Variants in TTLL5 observed in about 807,000 individuals in gnomAD.
TTLL5 encodes the protein tubulin tyrosine ligase like 5.
Under a neutral mutation model 168.4 loss-of-function variants are expected in TTLL5, and 132 were observed. The ratio of observed to expected loss-of-function variants is 0.78; its 90% CI spans 0.68 to 0.91. TTLL5 has a LOEUF of 0.91. Among genes scored for constraint, TTLL5 ranks in the 40% least tolerant of loss-of-function variants. TTLL5 has a pLI of 0.00. For synonymous variants in TTLL5, 546 were observed against 558.6 expected, an observed-to-expected ratio of 0.98 and a Z score of 0.32; for missense variants, 1,545 against 1,581.5, an observed-to-expected ratio of 0.98 and a Z score of 0.39.
intron 6 of TTLL5, among the ~76,000 whole-genome samples, chr14:75,697,501 C>T (rs1885956633): frequency 6.6e-6 from 1 of 152,154 alleles, no homozygotes; most frequent in African/African-American, 2.4e-5. Context: ...GACAAAAGAT[C>T]TCTTTCTTTC....
chr14:75,908,587 G>A (rs934955010), intron 31 of TTLL5, among the ~76,000 whole-genome samples: 131 of 152,288 alleles, frequency 8.6e-4, no homozygotes, highest in African/African-American at 2.9e-3. Context: ...AAAAACGTCA[G>A]TTGTCCTTAT....
intron 12 of TTLL5, among the ~76,000 whole-genome samples, chr14:75,721,169 C>T (rs189079100): frequency 6.6e-6 from 1 of 152,206 alleles, no homozygotes; most frequent in Admixed American, 6.5e-5. Flanking sequence ...TCCCATTCCT[C>T]TTCCACTTTC....
At chr14:75,797,477 TTCTTG>T (rs1446698392) in intron 27 of TTLL5, among the ~76,000 whole-genome samples, 20 of 152,126 alleles carry the variant, frequency 1.3e-4, no homozygotes, top group Non-Finnish European at 2.9e-5. Flanking sequence ...GAAATGGGCA[TTCTTG>T]TCTTGTTCCA....
chr14:75,869,075 A>G (rs545948787), intron 29 of TTLL5, among the ~76,000 whole-genome samples: 1 of 140,306 alleles, frequency 7.1e-6, no homozygotes, highest in Non-Finnish European at 1.5e-5. Context: ...TAAGTTCCAG[A>G]GCATATTGAC....
intron 27 of TTLL5, chr14:75,818,492 CTTTTT>C: frequency 2.9e-6 from 1 of 342,468 alleles, no homozygotes; most frequent in Admixed American, 3.9e-5. Context: ...CTTTTCTTTT[CTTTTT>C]TTTTTTTTGA....
chr14:75,679,356 G>C (rs1181607848), intron 3 of TTLL5, among the ~76,000 whole-genome samples: 1 of 152,120 alleles, frequency 6.6e-6, no homozygotes, highest in East Asian at 1.9e-4. Flanking sequence ...CATAAGCCAA[G>C]GAATGGAAAA....
At position 75,863,805 on chromosome 14, in the gene TTLL5, T is replaced by G; in HGVS notation, c.3465T>G (p.Leu1155=). 1 of 1,580,672 alleles carries G rather than the reference T, an allele frequency of 6.3e-7. No individual in the cohort carries two copies. The highest frequency in any genetic ancestry group is 8.6e-7 in the Non-Finnish European group (1 of 1,162,616). The change falls in exon 29 of 32, where the codon CTT becomes CTG. Residue 1155 remains leucine, a synonymous_variant. Coordinates refer to ENST00000298832, the MANE Select transcript of TTLL5 (RefSeq NM_015072.5). Reference sequence around the variant, plus strand: ...AGCTTCAATTTGCCCTGCAGCAACTTGAACAACAAAAACTTCAGTCCCGGC... The same window carrying G: ...AGCTTCAATTTGCCCTGCAGCAACTGGAACAACAAAAACTTCAGTCCCGGC... The part of the protein sequence containing the change: ...SYQLQFALQQ[L]EQQKLQSRQL...
intron 28 of TTLL5, among the ~76,000 whole-genome samples, chr14:75,848,434 A>G (rs558727225): frequency 1.3e-5 from 2 of 152,210 alleles, no homozygotes; most frequent in African/African-American, 4.8e-5. Flanking sequence ...ATGGCGGTCC[A>G]GTTTTACAAT....
chr14:75,833,137 G>A (rs551690474), intron 28 of TTLL5, among the ~76,000 whole-genome samples: 32 of 152,186 alleles, frequency 2.1e-4, no homozygotes, highest in African/African-American at 2.6e-4. Flanking sequence ...CACTTCCTGC[G>A]TTCCTCTCCC....
chr14:75,801,024 C>T (rs2140367131), intron 27 of TTLL5, among the ~76,000 whole-genome samples: 1 of 152,166 alleles, frequency 6.6e-6, no homozygotes, highest in Middle Eastern at 3.4e-3. Flanking sequence ...TACAAGCTTG[C>T]CCTAAGGTCG....
intron 24 of TTLL5, 105 bp downstream of exon 24, chr14:75,779,807 C>A: frequency 1.7e-6 from 2 of 1,187,910 alleles, no homozygotes; most frequent in South Asian, 2.0e-5. Flanking sequence ...TAATAGTCCC[C>A]AAGGTAATGA....
intron 21 of TTLL5, 90 bp downstream of exon 21, chr14:75,771,944 C>A: frequency 7.1e-7 from 1 of 1,401,856 alleles, no homozygotes; most frequent in South Asian, 1.4e-5. Flanking sequence ...GGGTAAAGTG[C>A]GATATTTTTC....
intron 28 of TTLL5, among the ~76,000 whole-genome samples, chr14:75,840,259 G>A (rs955073444): frequency 1.3e-5 from 2 of 152,060 alleles, no homozygotes; most frequent in African/African-American, 4.8e-5. Context: ...TCAAGTTCTG[G>A]GATACATATG....
chr14:75,705,329 G>A (rs1886574543), intron 7 of TTLL5, among the ~76,000 whole-genome samples: 1 of 152,214 alleles, frequency 6.6e-6, no homozygotes, highest in Non-Finnish European at 1.5e-5. Flanking sequence ...TACTGGTTGT[G>A]TATAATGTTA....
At chr14:75,829,794 G>A (rs1895461880) in intron 28 of TTLL5, among the ~76,000 whole-genome samples, 1 of 152,172 alleles carries the variant, frequency 6.6e-6, no homozygotes, top group Non-Finnish European at 1.5e-5. Flanking sequence ...TATTTGCAGG[G>A]ACAGTAAGTG....
At chr14:75,846,561 C>T (rs1000529169) in intron 28 of TTLL5, among the ~76,000 whole-genome samples, 10 of 151,994 alleles carry the variant, frequency 6.6e-5, no homozygotes, top group South Asian at 2.1e-4. Flanking sequence ...GAGGCCGAGG[C>T]GGGCGGATCA....
chr14:75,926,797 GTTCCACTCCTAAATATACAT>G (rs1204064933), intron 31 of TTLL5, among the ~76,000 whole-genome samples: 2 of 152,160 alleles, frequency 1.3e-5, no homozygotes, highest in African/African-American at 2.4e-5. Flanking sequence ...TGACCTTACA[GTTCCACTCCTAAATATACAT>G]TTAGGAGAAA....
chr14:75,900,807 A>T (rs2032891118), intron 30 of TTLL5, among the ~76,000 whole-genome samples: 1 of 152,292 alleles, frequency 6.6e-6, no homozygotes, highest in South Asian at 2.1e-4. Context: ...ATCCTTGACC[A>T]CTGTTCTCAT....
At chr14:75,855,174 G>GA (rs772485579) in intron 28 of TTLL5, among the ~76,000 whole-genome samples, 1,783 of 139,258 alleles carry the variant, frequency 0.013, 15 homozygotes, top group Non-Finnish European at 0.021. Flanking sequence ...AAAGAAATAA[G>GA]AAAAAAAAAA....
Sources: allele counts gnomAD v4.1 joint callset (sites outside exome capture counted in the v4.1 genomes callset), GRCh38; gene constraint gnomAD v4.1.1; transcripts MANE v1.5; gene names NCBI Gene and HGNC (gene_info 2026-07-23, HGNC 2026-07-21).